ADCK1: variants seen among roughly 807,000 people sequenced by gnomAD.
The protein encoded by ADCK1 is aarF domain-containing protein kinase 1.
Under a neutral mutation model 52.3 loss-of-function variants are expected in ADCK1, and 41 were observed. That is an observed-to-expected ratio of 0.78 (90% CI 0.61 to 1.02). The LOEUF is 1.02. Among genes scored for constraint, ADCK1 ranks in the 50% least tolerant of loss-of-function variants. ADCK1 has a pLI of 0.00. For synonymous variants in ADCK1, 250 were observed against 274.6 expected (o/e 0.91, Z 0.89); for missense variants, 658 against 679.5 (o/e 0.97, Z 0.35).
intron 6 of ADCK1, among the ~76,000 whole-genome samples, chr14:77,905,088 T>C (rs1427391671): frequency 6.6e-6 from 1 of 152,128 alleles, no homozygotes; most frequent in African/African-American, 2.4e-5. Context: ...GAAGCTCCCA[T>C]GACAAATTCC....
chr14:77,917,580 C>T (rs2083954001), intron 7 of ADCK1, among the ~76,000 whole-genome samples: 1 of 152,202 alleles, frequency 6.6e-6, no homozygotes, highest in Admixed American at 6.5e-5. Context: ...AATTAATTCT[C>T]TACTCAGTCT....
intron 7 of ADCK1, chr14:77,924,138 G>A: frequency 1.2e-5 from 3 of 244,676 alleles, no homozygotes; most frequent in Non-Finnish European, 2.3e-5. Context: ...AGAAATGGGG[G>A]ACAAGTCGGG....
At chr14:77,914,954 A>G (rs2083884056) in intron 7 of ADCK1, among the ~76,000 whole-genome samples, 1 of 152,072 alleles carries the variant, frequency 6.6e-6, no homozygotes, top group Non-Finnish European at 1.5e-5. Flanking sequence ...CCACTGTAAA[A>G]GCCATGCTGA....
intron 4 of ADCK1, among the ~76,000 whole-genome samples, chr14:77,873,820 C>T (rs1045945855): frequency 7.9e-5 from 12 of 152,310 alleles, no homozygotes; most frequent in East Asian, 5.8e-4. Context: ...CCAGCCACAC[C>T]GAACTGTAAG....
intron 2 of ADCK1, among the ~76,000 whole-genome samples, chr14:77,819,899 T>C (rs1259380598): frequency 6.6e-6 from 1 of 152,158 alleles, no homozygotes; most frequent in Non-Finnish European, 1.5e-5. Flanking sequence ...TCCCTAATAC[T>C]CAGTGTTGTC....
At chr14:77,818,043 G>A (rs2081500869) in intron 1 of ADCK1, among the ~76,000 whole-genome samples, 1 of 152,026 alleles carries the variant, frequency 6.6e-6, no homozygotes, top group Non-Finnish European at 1.5e-5. Context: ...GGGCCTCAAG[G>A]GGTAGTCTTC....
At chr14:77,909,927 G>A (rs1416318254) in intron 7 of ADCK1, among the ~76,000 whole-genome samples, 1 of 152,190 alleles carries the variant, frequency 6.6e-6, no homozygotes, top group Non-Finnish European at 1.5e-5. Flanking sequence ...AGGTCACACA[G>A]CTTAGCAGAG....
At chr14:77,905,056 G>T (rs1300759687) in intron 6 of ADCK1, among the ~76,000 whole-genome samples, 1 of 152,112 alleles carries the variant, frequency 6.6e-6, no homozygotes, top group Non-Finnish European at 1.5e-5. Flanking sequence ...TGTTATGTCT[G>T]TCCAGGGGCA....
chr14:77,803,157 C>G (rs998318085), intron 1 of ADCK1, among the ~76,000 whole-genome samples: 1 of 151,888 alleles, frequency 6.6e-6, no homozygotes, highest in Admixed American at 6.6e-5. Context: ...TTCTGAAGAC[C>G]CTATCACTCT....
intron 3 of ADCK1, among the ~76,000 whole-genome samples, chr14:77,852,660 A>AT (rs2082310962): frequency 1.1e-3 from 36 of 31,684 alleles, no homozygotes; most frequent in African/African-American, 3.7e-3. Flanking sequence ...TAAATAAATA[A>AT]ATATATATAT....
At chr14:77,809,692 A>G (rs1358310733) in intron 1 of ADCK1, among the ~76,000 whole-genome samples, 1 of 151,968 alleles carries the variant, frequency 6.6e-6, no homozygotes, top group African/African-American at 2.4e-5. Flanking sequence ...GGAGTTTTTC[A>G]TAAGCTCTTT....
At chr14:77,847,150 T>TG (rs1023748532) in intron 3 of ADCK1, among the ~76,000 whole-genome samples, 4 of 152,156 alleles carry the variant, frequency 2.6e-5, no homozygotes, top group African/African-American at 9.6e-5. Context: ...TGCAAGGGCC[T>TG]GGGGGCAGGG....
chr14:77,827,880 G>A, intron 3 of ADCK1: 1 of 409,796 alleles, frequency 2.4e-6, no homozygotes, highest in Non-Finnish European at 4.7e-6. Flanking sequence ...CCAGGCTGGA[G>A]TGCATTGGCG....
chr14:77,914,597 G>A (rs958705383), intron 7 of ADCK1: 3 of 985,262 alleles, frequency 3.0e-6, no homozygotes, highest in Non-Finnish European at 3.6e-6. Context: ...TGGGTGGGAA[G>A]AGCAGAGGGT....
intron 1 of ADCK1, among the ~76,000 whole-genome samples, chr14:77,817,938 T>C (rs8020695): frequency 0.026 from 3,928 of 151,338 alleles, 65 homozygotes; most frequent in Admixed American, 0.05. Context: ...CGGGGTTTCA[T>C]CGTGTTAGCC....
chr14:77,928,171 A>C (rs2084240452), intron 9 of ADCK1, among the ~76,000 whole-genome samples: 2 of 152,154 alleles, frequency 1.3e-5, no homozygotes, highest in Admixed American at 1.3e-4. Context: ...CCAAGGCTGC[A>C]TCATAGCTTT....
intron 3 of ADCK1, among the ~76,000 whole-genome samples, chr14:77,846,091 A>G (rs560208331): frequency 1.3e-5 from 2 of 152,158 alleles, no homozygotes; most frequent in Non-Finnish European, 1.5e-5. Flanking sequence ...CAGCTGCCAC[A>G]TGGGGCCTCT....
At chr14:77,927,315 C>T (rs769486782) in intron 9 of ADCK1, among the ~76,000 whole-genome samples, 12 of 152,188 alleles carry the variant, frequency 7.9e-5, no homozygotes, top group South Asian at 2.1e-4. Context: ...CCTTGAAGCC[C>T]GTCATCTCAA....
intron 1 of ADCK1, among the ~76,000 whole-genome samples, chr14:77,803,127 C>G (rs10140453): frequency 0.011 from 1,630 of 152,224 alleles, 35 homozygotes; most frequent in African/African-American, 0.038. Context: ...TGCTTTCTAT[C>G]CATATCAGGG....
Sources: allele counts gnomAD v4.1 joint callset (sites outside exome capture counted in the v4.1 genomes callset), GRCh38; gene constraint gnomAD v4.1.1; transcripts MANE v1.5; gene names NCBI Gene and HGNC (gene_info 2026-07-23, HGNC 2026-07-21).